The following CTNNA2 variants were observed in gnomAD, a reference collection of about 807,000 sequenced individuals.
The protein encoded by CTNNA2 is catenin alpha 2.
In CTNNA2, 42 loss-of-function variants were observed where a neutral mutation model predicts 101.0. The observed-to-expected ratio is 0.42, with a 90% CI of 0.32 to 0.54. The LOEUF is 0.54. CTNNA2 is among the 20% of genes least tolerant of loss of function. CTNNA2 has a pLI of 0.14. For missense variants in CTNNA2, 871 were observed against 1,223.1 expected (o/e 0.71, Z 4.29); for synonymous variants, 450 against 456.4 (o/e 0.99, Z 0.18).
In CTNNA2 at chr2:80,540,884, T is replaced by G. The variant is rs566277114; in HGVS notation, c.1291-4098T>G. Among the ~76,000 whole-genome samples the G allele has an allele frequency of 6.2e-4, 95 of 152,176 alleles. 2 individuals carry two copies. In the South Asian group the frequency reaches 0.019, roughly 30 times the overall value. ...CTATTTTTTGTATTTTTAGTAGAAA[T>G]GAAGTTTTGCCACATTTCCCAGGCT... On this transcript the variant is annotated intron_variant, in intron 9 of 18. Coordinates refer to ENST00000402739, the MANE Select transcript of CTNNA2 (RefSeq NM_001282597.3).
rs1169977834 is a variant in CTNNA2 at position 80,567,268 on chromosome 2, G to A, written c.1742-6895G>A. On this transcript the variant is annotated intron_variant, in intron 12 of 18. Transcript: ENST00000402739. ...TTACTAAAATCACTAATATAAAATGGTGGCCAGCTTCTATGATTTGTCATC... is the reference window on the plus strand; with the variant it reads ...TTACTAAAATCACTAATATAAAATGATGGCCAGCTTCTATGATTTGTCATC... 2.6e-5 allele frequency among the ~76,000 whole-genome samples: 4 copies of A among 152,110 alleles called. No homozygotes were observed. In the East Asian group the frequency reaches 7.7e-4, roughly 29 times the overall value.
At chr2:80,582,045 T>A (rs1695587493) in intron 14 of CTNNA2, among the ~76,000 whole-genome samples, 1 of 152,114 alleles carries the variant, frequency 6.6e-6, no homozygotes, top group South Asian at 2.1e-4. Context: ...ACTGGAAACA[T>A]AGCAACCACA....
intron 6 of CTNNA2, among the ~76,000 whole-genome samples, chr2:79,890,872 T>C (rs2104205505): frequency 7.2e-6 from 1 of 139,562 alleles, no homozygotes; most frequent in African/African-American, 2.6e-5. Context: ...GCTTCAAAGG[T>C]GATGCCTTCT....
At chr2:80,625,836 TA>T (rs1671628206) in intron 18 of CTNNA2, among the ~76,000 whole-genome samples, 2 of 152,074 alleles carry the variant, frequency 1.3e-5, no homozygotes, top group African/African-American at 4.8e-5. Flanking sequence ...ACTGTTTAAC[TA>T]GGATTTGGGG....
chr2:80,377,453 G>C (rs1303733600), intron 7 of CTNNA2, among the ~76,000 whole-genome samples: 1 of 152,152 alleles, frequency 6.6e-6, no homozygotes, highest in African/African-American at 2.4e-5. Flanking sequence ...CTATTCTGCA[G>C]ATGAGAACTG....
chr2:79,245,988 C>T (rs182844289), intron 2 of CTNNA2, among the ~76,000 whole-genome samples: 20 of 152,284 alleles, frequency 1.3e-4, no homozygotes, highest in South Asian at 4.1e-4. Context: ...TGTTCAGATT[C>T]GAATCCAGGC....
chr2:79,657,898 T>G (rs895567432), intron 2 of CTNNA2, among the ~76,000 whole-genome samples: 2 of 151,762 alleles, frequency 1.3e-5, no homozygotes, highest in Non-Finnish European at 3.0e-5. Flanking sequence ...AAGACTAGGA[T>G]CAATCTTTTA....
intron 2 of CTNNA2, among the ~76,000 whole-genome samples, chr2:79,742,508 C>G (rs1671358664): frequency 6.6e-6 from 1 of 152,134 alleles, no homozygotes; most frequent in South Asian, 2.1e-4. Context: ...GACTTATGTG[C>G]TTGTTTCCAG....
chr2:80,250,182 GGA>G (rs67176913), intron 7 of CTNNA2, among the ~76,000 whole-genome samples: 52,277 of 141,594 alleles, frequency 0.37, 10,682 homozygotes, highest in Non-Finnish European at 0.49. Context: ...ATGGATGGGG[GGA>G]GAGAGAGAGA....
chr2:79,451,528 A>G (rs1016566177), intron 4 of CTNNA2, among the ~76,000 whole-genome samples: 4 of 151,950 alleles, frequency 2.6e-5, no homozygotes, highest in East Asian at 1.9e-4. Flanking sequence ...TTCGTTTGTA[A>G]TATAATCTCA....
intron 4 of CTNNA2, among the ~76,000 whole-genome samples, chr2:79,402,384 G>T (rs895099243): frequency 1.3e-5 from 2 of 151,750 alleles, no homozygotes; most frequent in African/African-American, 4.8e-5. Flanking sequence ...ATCTGCAGGG[G>T]ATGTGTCTCA....
chr2:79,242,595 A>T (rs527985556), intron 2 of CTNNA2, among the ~76,000 whole-genome samples: 1 of 152,180 alleles, frequency 6.6e-6, no homozygotes, highest in Non-Finnish European at 1.5e-5. Context: ...ATAAAATAAC[A>T]TCACCTAACA....
intron 12 of CTNNA2, among the ~76,000 whole-genome samples, chr2:80,562,634 A>G (rs1369047126): frequency 6.6e-6 from 1 of 152,186 alleles, no homozygotes; most frequent in Non-Finnish European, 1.5e-5. Flanking sequence ...ATAAAAACGT[A>G]TGCACAAGAT....
intron 7 of CTNNA2, among the ~76,000 whole-genome samples, chr2:80,085,727 G>T (rs1356323018): frequency 6.6e-6 from 1 of 151,950 alleles, no homozygotes; most frequent in Non-Finnish European, 1.5e-5. Context: ...GATGAGTTAT[G>T]TTGGAGTGAT....
chr2:80,466,459 G>A (rs972351604), intron 9 of CTNNA2, among the ~76,000 whole-genome samples: 1 of 152,098 alleles, frequency 6.6e-6, no homozygotes, highest in African/African-American at 2.4e-5. Flanking sequence ...TGACTTTCCA[G>A]GTAAAACTTG....
intron 2 of CTNNA2, among the ~76,000 whole-genome samples, chr2:79,226,055 G>A (rs557652825): frequency 3.3e-5 from 5 of 152,086 alleles, no homozygotes; most frequent in Non-Finnish European, 7.4e-5. Context: ...TCTTACTCAT[G>A]TTTTCTTTTA....
intron 7 of CTNNA2, among the ~76,000 whole-genome samples, chr2:79,942,783 TTCCTGCATCCTA>T (rs1241690919): frequency 6.6e-6 from 1 of 152,184 alleles, no homozygotes; most frequent in Non-Finnish European, 1.5e-5. Context: ...TACAAAAATT[TTCCTGCATCCTA>T]TCCTTGCATG....
At chr2:79,900,197 A>G (rs991080494) in intron 6 of CTNNA2, among the ~76,000 whole-genome samples, 5 of 152,104 alleles carry the variant, frequency 3.3e-5, no homozygotes, top group Non-Finnish European at 5.9e-5. Context: ...TAAAATTCCA[A>G]TTTTATTTCC....
At chr2:80,157,292 G>C (rs1301047728) in intron 7 of CTNNA2, among the ~76,000 whole-genome samples, 1 of 152,180 alleles carries the variant, frequency 6.6e-6, no homozygotes, top group Non-Finnish European at 1.5e-5. Flanking sequence ...ATATTGAACA[G>C]GAAAGCGGGG....
Sources: gnomAD v4.1 joint callset for allele counts (sites outside exome capture counted in the v4.1 genomes callset) on GRCh38, gnomAD v4.1.1 for gene constraint, MANE v1.5 for transcripts, NCBI Gene and HGNC (gene_info 2026-07-23, HGNC 2026-07-21) for gene names.